The following NOS1 variants were observed in gnomAD, a reference collection of about 807,000 sequenced individuals.
NOS1 encodes nitric oxide synthase 1.
Under a neutral mutation model 164.5 loss-of-function variants are expected in NOS1, and 51 were observed. The ratio of observed to expected loss-of-function variants is 0.31; its 90% CI spans 0.25 to 0.39. NOS1 has a LOEUF of 0.39. NOS1 is among the 10% of genes least tolerant of loss of function. The pLI, the probability that NOS1 is intolerant of heterozygous loss-of-function variation, is 1.00. For missense variants in NOS1, 1,362 were observed against 1,885.6 expected (o/e 0.72, Z 5.14); for synonymous variants, 719 against 745.8 (o/e 0.96, Z 0.59).
chr12:117,257,115 G>A (rs984830517), intron 16 of NOS1, among the ~76,000 whole-genome samples: 2 of 152,116 alleles, frequency 1.3e-5, no homozygotes, highest in Non-Finnish European at 1.5e-5. Context: ...ACAGGGTCTT[G>A]CTCTGTTGTC....
chr12:117,270,390 G>A (rs6490121), intron 10 of NOS1, among the ~76,000 whole-genome samples: 97,702 of 151,792 alleles, frequency 0.64, 31,784 homozygotes, highest in South Asian at 0.71. Flanking sequence ...CTGAAATGTA[G>A]ACAGAGATCA....
rs573490467 is a variant in NOS1, at chr12:117,255,125, A to C, written c.2532-1371T>G. ...AATAATAATAAAATTAAAAAAATAA[A>C]TTATTTGGAAGGTGAAGGAAGATGT... On this transcript the variant is annotated intron_variant, in intron 16 of 28. Transcript: ENST00000317775. Among the ~76,000 whole-genome samples, 11 of 152,272 alleles carry C rather than the reference A, an allele frequency of 7.2e-5. No homozygotes were observed. The South Asian group carries it at 2.3e-3, about 32-fold the overall frequency.
chr12:117,215,221 C>T lies in NOS1; in HGVS notation c.*88G>A, dbSNP rs375556230. ...ACAGCGACAAGGACAGGAGGCAGAG[C>T]GAGGGCCACAGGGGGTCCCAGAGGA... On this transcript the variant is annotated 3_prime_UTR_variant, in exon 29 of 29. Transcript: ENST00000317775. 1.0e-5 allele frequency: 14 copies of T among 1,399,350 alleles called. No homozygotes were observed. The highest frequency in any genetic ancestry group is 1.9e-5 in the South Asian group (1 of 51,732). The allele number at this position is 1,399,350 out of a possible 1,614,324, so 86.7% of individuals were successfully genotyped here.
At chr12:117,232,452 T>C (rs1325689705) in intron 21 of NOS1, among the ~76,000 whole-genome samples, 1 of 152,216 alleles carries the variant, frequency 6.6e-6, no homozygotes. Flanking sequence ...ATAAGCCTAT[T>C]TCGGCCCCAT....
chr12:117,234,746 G>A lies in NOS1; in HGVS notation c.3054C>T (p.Ile1018=). 1 of 1,610,360 alleles carries A rather than the reference G, an allele frequency of 6.2e-7. No homozygotes were observed. The highest frequency in any genetic ancestry group is 2.2e-5 in the East Asian group (1 of 44,754). Residue 1018 remains isoleucine, a synonymous_variant, in exon 21 of 29, where the codon ATC becomes ATT. Coordinates refer to ENST00000317775, the MANE Select transcript of NOS1 (RefSeq NM_000620.5). The surrounding 1 kb of genome is among the most constrained non-coding windows in gnomAD (Gnocchi z 4.3). The part of the protein sequence containing the change: ...LQSPKSSRST[I]FVRLHTNGSQ... ...TCCCGTTGGTGTGGAGACGCACGAA[G>A]ATAGTTGACCGACTGCAGGAAATTG...
intron 1 of NOS1, among the ~76,000 whole-genome samples, chr12:117,344,910 A>C (rs1376290383): frequency 1.3e-5 from 2 of 152,232 alleles, no homozygotes; most frequent in African/African-American, 4.8e-5. Context: ...GAGGAGCTAC[A>C]GGCTCATAGT....
intron 5 of NOS1, among the ~76,000 whole-genome samples, chr12:117,287,465 T>C (rs1872783174): frequency 6.6e-6 from 1 of 151,534 alleles, no homozygotes; most frequent in African/African-American, 2.4e-5. Flanking sequence ...TGAGATGGAG[T>C]CTCGCTCTGT....
intron 3 of NOS1, among the ~76,000 whole-genome samples, chr12:117,308,864 G>A (rs932735179): frequency 6.6e-6 from 1 of 152,010 alleles, no homozygotes; most frequent in African/African-American, 2.4e-5. Context: ...CAAAGTGCTG[G>A]GATTACAGGT....
At chr12:117,257,320 C>A (rs1871540180) in intron 16 of NOS1, among the ~76,000 whole-genome samples, 1 of 151,800 alleles carries the variant, frequency 6.6e-6, no homozygotes, top group South Asian at 2.1e-4. Context: ...TGGCCTCAAG[C>A]AATCCTCCTG....
chr12:117,342,316 T>A (rs1032457934), intron 1 of NOS1, among the ~76,000 whole-genome samples: 1 of 151,942 alleles, frequency 6.6e-6, no homozygotes, highest in Non-Finnish European at 1.5e-5. Context: ...GTGGAGGTAG[T>A]TGGAGATTAA....
chr12:117,259,413 G>C (rs567222345), intron 14 of NOS1, among the ~76,000 whole-genome samples: 4 of 152,166 alleles, frequency 2.6e-5, no homozygotes, highest in Non-Finnish European at 4.4e-5. Flanking sequence ...AATGGTTCAA[G>C]GGATTGGCAG....
Position 117,242,634 on chromosome 12 carries a change from T to C in NOS1, c.3034A>G (p.Lys1012Glu). 6.2e-7 allele frequency: 1 copy of C among 1,614,100 alleles called. No homozygotes were observed. The highest frequency in any genetic ancestry group is 8.5e-7 in the Non-Finnish European group (1 of 1,179,928). Residue 1012 changes from lysine (K) to glutamate (E), a missense_variant, in exon 20 of 29, where the codon AAA becomes GAA. Lys to Glu is a moderately conservative substitution (Grantham distance 56). Coordinates refer to ENST00000317775, the MANE Select transcript of NOS1 (RefSeq NM_000620.5). ...LLSRQNLQSP[K>E]SSRSTIFVRL... ...GAACCAAGATGTTCCTACCTGGATT[T>C]AGGGCTCTGGAGGTTTTGACGGCTA...
chr12:117,325,514 A>T (rs1171514848), intron 2 of NOS1, among the ~76,000 whole-genome samples: 1 of 152,162 alleles, frequency 6.6e-6, no homozygotes, highest in African/African-American at 2.4e-5. Flanking sequence ...CGCCAGGAAC[A>T]TGAAGGAAGA....
chr12:117,261,182 A>G (rs1296444566), intron 13 of NOS1, among the ~76,000 whole-genome samples: 1 of 63,238 alleles, frequency 1.6e-5, no homozygotes, highest in Non-Finnish European at 3.0e-5. Context: ...CTGCCTCAAA[A>G]AAAAAAAAAA....
chr12:117,267,904 A>C, intron 11 of NOS1, 139 bp downstream of exon 11: 1 of 620,078 alleles, frequency 1.6e-6, no homozygotes, highest in South Asian at 2.0e-5. Context: ...GCAGGATGGA[A>C]GCTAGACCAT....
At chr12:117,263,832 T>G in intron 13 of NOS1, 57 bp downstream of exon 13, 1 of 1,345,658 alleles carries the variant, frequency 7.4e-7, no homozygotes, top group Admixed American at 1.7e-5. Context: ...CCTCCTTCTC[T>G]GGGTTCTCTG....
chr12:117,324,094 A>G (rs73409507), intron 2 of NOS1, among the ~76,000 whole-genome samples: 2,088 of 152,048 alleles, frequency 0.014, 42 homozygotes, highest in African/African-American at 0.048. Context: ...AGTTCTAGAC[A>G]CTCACTATGA....
chr12:117,293,058 A>C (rs1254586723), intron 3 of NOS1, among the ~76,000 whole-genome samples: 1 of 152,198 alleles, frequency 6.6e-6, no homozygotes, highest in Non-Finnish European at 1.5e-5. Flanking sequence ...GAGAGAACAG[A>C]TCATGCAGAG....
At chr12:117,258,961 A>C in intron 15 of NOS1, 65 bp downstream of exon 15, 2 of 1,160,890 alleles carry the variant, frequency 1.7e-6, no homozygotes, top group Non-Finnish European at 2.6e-6. Flanking sequence ...AAGAGTCTCA[A>C]CCTTGGCCCC....
Sources: allele counts gnomAD v4.1 joint callset (sites outside exome capture counted in the v4.1 genomes callset), GRCh38; gene constraint gnomAD v4.1.1; non-coding constraint Gnocchi (gnomAD v3.1); transcripts MANE v1.5; gene names NCBI Gene and HGNC (gene_info 2026-07-23, HGNC 2026-07-21).